Variants in PCDHA12 observed in about 807,000 individuals in gnomAD.
PCDHA12 encodes protocadherin alpha-12.
In PCDHA12, 44 loss-of-function variants were observed where a neutral mutation model predicts 60.0. The ratio of observed to expected loss-of-function variants is 0.73; its 90% confidence interval spans 0.58 to 0.94. The LOEUF is 0.94. Ranked by LOEUF, PCDHA12 falls within the 40% of genes least tolerant of loss-of-function variation. The pLI is 0.00. For missense variants in PCDHA12, 1,276 were observed against 1,239.7 expected, an observed-to-expected ratio of 1.03 and a Z score of -0.44; for synonymous variants, 569 against 553.0, an observed-to-expected ratio of 1.03 and a Z score of -0.40.
At chr5:140,982,296 C>A in intron 2 of PCDHA12, 179 bp from the exon 3 acceptor site, 1 of 1,167,132 alleles carries the variant, frequency 8.6e-7, no homozygotes, top group Non-Finnish European at 1.2e-6. Flanking sequence ...AGTAAGTCAG[C>A]AATGCTTCTG....
At position 140,875,798 on chromosome 5, in the gene PCDHA12, T is replaced by C. The variant is rs377753022; in HGVS notation, c.326T>C (p.Ile109Thr). The change falls in exon 1 of 4, where the codon ATC becomes ACC. Residue 109 changes from isoleucine to threonine, a missense_variant. By Grantham distance (89) the Ile-to-Thr change is moderately conservative. Coordinates refer to ENST00000398631, the MANE Select transcript of PCDHA12 (RefSeq NM_018903.4). ...GAGTGCAGTATCCACCTGGAGGTGATCGTGGACAGGCCGCTGCAGGTTTTC... is the reference window on the plus strand; with the variant it reads ...GAGTGCAGTATCCACCTGGAGGTGACCGTGGACAGGCCGCTGCAGGTTTTC... ...SAECSIHLEV[I>T]VDRPLQVFHV... 1.5e-5 allele frequency: 24 copies of C among 1,614,138 alleles called. No individual in the cohort carries two copies. In the African/African-American group the frequency reaches 3.1e-4, roughly 21 times the overall value.
Position 141,000,581 on chromosome 5 carries a change from C to G in PCDHA12, c.2516-9046C>G, listed in dbSNP as rs960660351. On this transcript the variant is annotated intron_variant, in intron 3 of 3. Transcript: ENST00000398631. ...TAGCTGGGATTACAGGTGCCTGCCA[C>G]CATGCCCAGCTAATTTTTGTATTTT... is the stretch of plus-strand genomic sequence containing the variant. 2.0e-5 allele frequency among the ~76,000 whole-genome samples: 3 copies of G among 150,722 alleles called. No individual in the cohort carries two copies. In the East Asian group the frequency reaches 5.8e-4, roughly 29 times the overall value.
At chr5:140,924,028 G>A (rs908427261) in intron 1 of PCDHA12, among the ~76,000 whole-genome samples, 2 of 152,158 alleles carry the variant, frequency 1.3e-5, no homozygotes, top group South Asian at 4.1e-4. Context: ...TGGAGGCATG[G>A]CTGCAGACCT....
intron 1 of PCDHA12, chr5:140,884,170 G>A (rs1333457358): frequency 1.4e-5 from 23 of 1,613,294 alleles, no homozygotes; most frequent in Non-Finnish European, 1.9e-5. Flanking sequence ...TCAGCACGAC[G>A]CGCCCTCTGG....
chr5:140,980,614 G>T (rs2153822225), intron 2 of PCDHA12, among the ~76,000 whole-genome samples: 1 of 152,088 alleles, frequency 6.6e-6, no homozygotes, highest in Admixed American at 6.5e-5. Context: ...TGGCGACAGT[G>T]CGAGACTCTG....
At chr5:140,979,063 A>G (rs1245308340) in intron 2 of PCDHA12, 56 bp downstream of exon 2, 3 of 1,604,438 alleles carry the variant, frequency 1.9e-6, no homozygotes, top group East Asian at 4.5e-5. Context: ...TATGGCTCAG[A>G]TAAACTGCAT....
At position 141,011,465 on chromosome 5, in the gene PCDHA12, G is replaced by A. The variant is rs2098420693; in HGVS notation, c.*1528G>A. ...TGAACTTTAAGCTTTATTGTTGAAT[G>A]TAATTCCATTATATTTCCTTTTGTA... On this transcript the variant is annotated 3_prime_UTR_variant, in exon 4 of 4. Transcript: ENST00000398631. The A allele has an allele frequency of 6.5e-6, 1 of 153,770 alleles. No individual in the cohort carries two copies. The highest frequency in any genetic ancestry group is 2.4e-5 in the African/African-American group (1 of 41,452). The allele number at this position is 153,770 out of a possible 1,614,324, so 9.5% of individuals were successfully genotyped here.
intron 1 of PCDHA12, among the ~76,000 whole-genome samples, chr5:140,881,772 C>A (rs1253242879): frequency 6.6e-6 from 1 of 152,200 alleles, no homozygotes; most frequent in Admixed American, 6.5e-5. Context: ...CATGACTATG[C>A]AGAACTACCG....
intron 1 of PCDHA12, among the ~76,000 whole-genome samples, chr5:140,973,877 A>G (rs782563295): frequency 6.6e-6 from 1 of 152,234 alleles, no homozygotes; most frequent in Non-Finnish European, 1.5e-5. Context: ...AGGTCAGAAT[A>G]ATGTCAATTT....
At chr5:140,934,590 G>T (rs1305372783) in intron 1 of PCDHA12, among the ~76,000 whole-genome samples, 4 of 151,886 alleles carry the variant, frequency 2.6e-5, no homozygotes, top group Admixed American at 2.6e-4. Context: ...TCTGTAATGG[G>T]TCTTCAACTA....
At chr5:140,997,504 C>T (rs2097772452) in intron 3 of PCDHA12, among the ~76,000 whole-genome samples, 1 of 152,042 alleles carries the variant, frequency 6.6e-6, no homozygotes, top group South Asian at 2.1e-4. Flanking sequence ...TCTCAACATA[C>T]CTAAACGCAG....
At chr5:140,976,369 G>A (rs1464114589) in intron 1 of PCDHA12, among the ~76,000 whole-genome samples, 1 of 151,996 alleles carries the variant, frequency 6.6e-6, no homozygotes, top group Non-Finnish European at 1.5e-5. Flanking sequence ...TGGCCAACAT[G>A]GTGAAACCCC....
At chr5:141,008,723 C>G (rs1480694972) in intron 3 of PCDHA12, among the ~76,000 whole-genome samples, 1 of 152,110 alleles carries the variant, frequency 6.6e-6, no homozygotes, top group Non-Finnish European at 1.5e-5. Flanking sequence ...GAGTGTATGT[C>G]CAACTAGACT....
At chr5:140,884,667 G>A (rs1304262646) in intron 1 of PCDHA12, 4 of 1,568,684 alleles carry the variant, frequency 2.5e-6, no homozygotes, top group Non-Finnish European at 2.6e-6. Context: ...AAAGAGGTAA[G>A]CTTATATTTT....
rs1562832308 is a variant in PCDHA12 at position 140,887,757 on chromosome 5, CAT to C, written c.2367+9921_2367+9922del. 3.3e-5 allele frequency among the ~76,000 whole-genome samples: 5 copies of C among 152,284 alleles called. No homozygotes were observed. In the East Asian group the frequency reaches 9.6e-4, roughly 29 times the overall value. On this transcript the variant is annotated intron_variant, in intron 1 of 3. Transcript: ENST00000398631. ...CATCCTTTCTGAGACTCCAGTAACA[CAT>C]ATGTTACAATGACACAGGTCATTGA...
At chr5:140,997,840 A>G (rs2097788062) in intron 3 of PCDHA12, among the ~76,000 whole-genome samples, 2 of 152,216 alleles carry the variant, frequency 1.3e-5, no homozygotes, top group Non-Finnish European at 2.9e-5. Flanking sequence ...AATACAATAT[A>G]CATTCTTATA....
chr5:141,000,395 C>CTCTA (rs1213762225), intron 3 of PCDHA12, among the ~76,000 whole-genome samples: 16 of 53,972 alleles, frequency 3.0e-4, no homozygotes, highest in East Asian at 6.1e-4. Context: ...CTCTCTCTCT[C>CTCTA]TATATATATA....
chr5:140,982,035 A>G (rs950479755), intron 2 of PCDHA12, among the ~76,000 whole-genome samples: 2 of 152,280 alleles, frequency 1.3e-5, no homozygotes, highest in Admixed American at 1.3e-4. Context: ...CAATACTCCA[A>G]TTATCAGAAA....
chr5:140,978,295 A>G (rs1222694864), intron 1 of PCDHA12, among the ~76,000 whole-genome samples: 2 of 152,246 alleles, frequency 1.3e-5, no homozygotes, highest in Non-Finnish European at 2.9e-5. Context: ...GAGGAGGGAA[A>G]GCACTCAGGA....
Sources: allele counts gnomAD v4.1 joint callset (sites outside exome capture counted in the v4.1 genomes callset), GRCh38; gene constraint gnomAD v4.1.1; transcripts MANE v1.5; gene names NCBI Gene and HGNC (gene_info 2026-07-23, HGNC 2026-07-21).